CACNA1C: variants seen among roughly 807,000 people sequenced by gnomAD.
CACNA1C encodes the protein calcium voltage-gated channel subunit alpha1 C.
In CACNA1C, 30 loss-of-function variants were observed where a neutral mutation model predicts 229.0. The ratio of observed to expected loss-of-function variants is 0.13; its 90% CI spans 0.10 to 0.18. CACNA1C has a LOEUF of 0.18. CACNA1C is among the 10% of genes least tolerant of loss of function. The pLI is 1.00. For missense variants in CACNA1C, 1,658 were observed against 2,845.0 expected (o/e 0.58, Z 9.49); for synonymous variants, 1,114 against 1,132.5 (o/e 0.98, Z 0.33).
At chr12:2,267,757 G>C (rs1317022969) in intron 3 of CACNA1C, among the ~76,000 whole-genome samples, 1 of 152,206 alleles carries the variant, frequency 6.6e-6, no homozygotes, top group African/African-American at 2.4e-5. Flanking sequence ...TGAGCAGGGG[G>C]GTTGGAATGT....
rs2051107716 is a variant in CACNA1C, at chr12:2,566,698, T to G, written c.1669+116T>G. The G allele has an allele frequency of 7.1e-6, 6 of 847,600 alleles. No homozygotes were observed. In the South Asian group the frequency reaches 9.3e-5, roughly 13 times the overall value. 52.5% of individuals were successfully genotyped at this position (847,600 alleles called of 1,614,324 possible). The stretch of plus-strand genomic sequence containing the variant: ...GGGGAAAGCAGCCAATGGTCGGGGC[T>G]CTTGGCAGGTGCTGTGCTGGAGACA... On this transcript the variant is annotated intron_variant, in intron 12 of 46. Coordinates refer to ENST00000399655, the MANE Select transcript of CACNA1C (RefSeq NM_000719.7). This position sits in a 1 kb window ranked among gnomAD's most constrained non-coding sequence, Gnocchi z 4.0.
At chr12:2,469,008 T>A (rs12316582) in intron 5 of CACNA1C, among the ~76,000 whole-genome samples, 4,284 of 152,326 alleles carry the variant, frequency 0.028, 84 homozygotes, top group African/African-American at 0.048. Flanking sequence ...AGTTTAGTTT[T>A]GTTTTGTTTT....
At chr12:2,416,447 C>T (rs1232155519) in intron 3 of CACNA1C, among the ~76,000 whole-genome samples, 3 of 152,108 alleles carry the variant, frequency 2.0e-5, no homozygotes, top group Middle Eastern at 3.4e-3. Flanking sequence ...GAGTGGGGGA[C>T]GATTGTAATA....
chr12:2,241,893 G>A (rs1260073328), intron 3 of CACNA1C, among the ~76,000 whole-genome samples: 1 of 152,320 alleles, frequency 6.6e-6, no homozygotes, highest in East Asian at 1.9e-4. Flanking sequence ...TTCGCAAGGC[G>A]TTTCTCCTGG....
At position 2,593,256 on chromosome 12, in the gene CACNA1C, C is replaced by T; in HGVS notation, c.2574C>T (p.Arg858=). The stretch of plus-strand genomic sequence containing the variant: ...AGCCAGAGATGCCTGTCGGCCCTCG[C>T]CCACGACCACTCTCTGAGCTTCACC... ...EEEPEMPVGP[R]PRPLSELHLK... The change falls in exon 19 of 47, where the codon CGC becomes CGT. Residue 858 remains arginine, a synonymous_variant. Transcript: ENST00000399655. 6.2e-7 allele frequency: 1 copy of T among 1,613,732 alleles called. No homozygotes were observed. Among genetic ancestry groups the T allele is most frequent in the Non-Finnish European group, 8.5e-7 (1 of 1,179,790 alleles).
rs764162032 is a variant in CACNA1C, at chr12:2,034,093, C to T, written c.139+62892C>T. ...TTTTAACATCTGCTACACCTTAGGCCGTTGGAACATACTAACTCATTTTAA... is the reference window on the plus strand; with the variant it reads ...TTTTAACATCTGCTACACCTTAGGCTGTTGGAACATACTAACTCATTTTAA... On this transcript the variant is annotated intron_variant, in intron 1 of 46. Coordinates refer to the CACNA1C transcript ENST00000682462. This position sits in a 1 kb window ranked among gnomAD's most constrained non-coding sequence, Gnocchi z 4.1. Among the ~76,000 whole-genome samples, 16 of 152,168 alleles carry T rather than the reference C, an allele frequency of 1.1e-4. No individual in the cohort carries two copies. The highest frequency in any genetic ancestry group is 1.8e-4 in the Non-Finnish European group (12 of 68,040).
intron 9 of CACNA1C, among the ~76,000 whole-genome samples, chr12:2,513,228 G>A (rs554261499): frequency 7.0e-4 from 106 of 152,350 alleles, no homozygotes; most frequent in African/African-American, 2.5e-3. Context: ...TTGAAAGACT[G>A]TTGAGATTTT....
At chr12:2,458,274 A>G (rs2099457465) in intron 5 of CACNA1C, among the ~76,000 whole-genome samples, 1 of 152,174 alleles carries the variant, frequency 6.6e-6, no homozygotes, top group African/African-American at 2.4e-5. Context: ...AGAGAGGAGG[A>G]TATTCCGCTC....
chr12:2,510,432 C>T (rs1001452418), intron 8 of CACNA1C, among the ~76,000 whole-genome samples: 3 of 152,214 alleles, frequency 2.0e-5, no homozygotes, highest in South Asian at 2.1e-4. Context: ...ACTCCCAAAA[C>T]ACATCCTTCC....
At chr12:2,550,344 G>A (rs1373853152) in intron 10 of CACNA1C, among the ~76,000 whole-genome samples, 1 of 152,120 alleles carries the variant, frequency 6.6e-6, no homozygotes, top group Non-Finnish European at 1.5e-5. Flanking sequence ...GTGTGTAGGG[G>A]GCGGCCCCAA....
intron 3 of CACNA1C, among the ~76,000 whole-genome samples, chr12:2,400,840 G>A (rs1268311342): frequency 6.6e-6 from 1 of 152,164 alleles, no homozygotes; most frequent in African/African-American, 2.4e-5. Context: ...GACCACGGAA[G>A]GAGGCACAGC....
At chr12:2,120,189 C>G (rs1424937420) in intron 2 of CACNA1C, 136 bp from the exon 3 acceptor site, 17 of 669,996 alleles carry the variant, frequency 2.5e-5, no homozygotes, top group Non-Finnish European at 4.3e-5. Flanking sequence ...TGTTTCTTTT[C>G]AGAATACAAG....
At position 2,653,690 on chromosome 12, in the gene CACNA1C, T is replaced by C. The variant is rs2095249156; in HGVS notation, c.4075-145T>C. The C allele has an allele frequency of 7.4e-6, 5 of 679,164 alleles. No homozygotes were observed. Among genetic ancestry groups the C allele is most frequent in the Non-Finnish European group, 1.3e-5 (5 of 380,488 alleles). The allele number at this position is 679,164 out of a possible 1,614,324, so 42.1% of individuals were successfully genotyped here. ...AGACCTTCTCGCAGGTTCCCCGTAGTCCTGTGGGACTCTTGGAAGTGTCCC... is the reference window on the plus strand; with the variant it reads ...AGACCTTCTCGCAGGTTCCCCGTAGCCCTGTGGGACTCTTGGAAGTGTCCC... On this transcript the variant is annotated intron_variant, in intron 32 of 46. Transcript: ENST00000399655. This position sits in a 1 kb window ranked among gnomAD's most constrained non-coding sequence, Gnocchi z 4.7.
intron 1 of CACNA1C, among the ~76,000 whole-genome samples, chr12:2,105,181 T>G (rs1011163221): frequency 1.3e-5 from 2 of 152,212 alleles, no homozygotes; most frequent in African/African-American, 4.8e-5. Flanking sequence ...GTGAATGCTG[T>G]AGCTTTTCCG....
intron 1 of CACNA1C, chr12:1,991,590 C>T: frequency 4.2e-6 from 1 of 237,112 alleles, no homozygotes; most frequent in Non-Finnish European, 8.3e-6. Context: ...GCCTGTTGGA[C>T]ACTCACAGTG....
intron 3 of CACNA1C, among the ~76,000 whole-genome samples, chr12:2,418,004 G>A (rs1222157674): frequency 6.6e-6 from 1 of 152,132 alleles, no homozygotes; most frequent in East Asian, 1.9e-4. Context: ...TGCAGTTCCT[G>A]CTGTTACTGG....
chr12:2,543,489 C>T (rs1354822875), intron 9 of CACNA1C, among the ~76,000 whole-genome samples: 4 of 152,194 alleles, frequency 2.6e-5, no homozygotes, highest in African/African-American at 9.6e-5. Flanking sequence ...CTTGAGGAAT[C>T]AGCTTTGATA....
intron 11 of CACNA1C, among the ~76,000 whole-genome samples, chr12:2,558,342 C>T (rs927667165): frequency 1.4e-5 from 2 of 140,746 alleles, no homozygotes; most frequent in Admixed American, 7.3e-5. Flanking sequence ...GCATCCACTG[C>T]TGGAGTCCAT....
intron 3 of CACNA1C, among the ~76,000 whole-genome samples, chr12:2,183,425 C>T (rs2096900759): frequency 6.6e-6 from 1 of 152,192 alleles, no homozygotes; most frequent in African/African-American, 2.4e-5. Flanking sequence ...GTTTGGGCTG[C>T]CTTCTCTAGA....
Sources: allele counts gnomAD v4.1 joint callset (sites outside exome capture counted in the v4.1 genomes callset), GRCh38; gene constraint gnomAD v4.1.1; non-coding constraint Gnocchi (gnomAD v3.1); transcripts MANE v1.5; gene names NCBI Gene and HGNC (gene_info 2026-07-23, HGNC 2026-07-21).